C12orf54: variants seen among roughly 807,000 people sequenced by gnomAD.
C12orf54 encodes the protein uncharacterized protein C12orf54.
Under a neutral mutation model 26.4 loss-of-function variants are expected in C12orf54, and 24 were observed. The observed-to-expected ratio is 0.91, with a 90% confidence interval of 0.66 to 1.28. C12orf54 has a LOEUF of 1.28. Ranked by LOEUF, C12orf54 falls within the 50% of genes most tolerant of loss-of-function variation. The pLI, the probability that C12orf54 is intolerant of heterozygous loss-of-function variation, is 0.00. For synonymous variants in C12orf54, 54 were observed against 47.0 expected, an observed-to-expected ratio of 1.15 and a Z score of -0.61; for missense variants, 154 against 150.9, an observed-to-expected ratio of 1.02 and a Z score of -0.11.
chr12:48,414,724 C>T, the C12orf54 span, among the ~76,000 whole-genome samples: 1 of 152,180 alleles, frequency 6.6e-6, no homozygotes, highest in African/African-American at 2.4e-5. Flanking sequence ...GTAGTATTAT[C>T]CAGTGACCTG....
chr12:48,450,290 A>C, the C12orf54 span, among the ~76,000 whole-genome samples: 13 of 152,236 alleles, frequency 8.5e-5, no homozygotes, highest in Non-Finnish European at 1.8e-4. Flanking sequence ...ATTAGTGAGC[A>C]CAAAAGATAC....
the C12orf54 span, among the ~76,000 whole-genome samples, chr12:48,440,972 A>G: frequency 6.6e-6 from 1 of 152,210 alleles, no homozygotes; most frequent in South Asian, 2.1e-4. Flanking sequence ...CAGTGTATCA[A>G]GGTGGTAAAG....
the C12orf54 span, among the ~76,000 whole-genome samples, chr12:48,453,601 A>ACATATACACATATATATG: frequency 1.4e-5 from 2 of 138,492 alleles, no homozygotes; most frequent in African/African-American, 5.1e-5. Flanking sequence ...GTGTATATTC[A>ACATATACACATATATATG]TGTTCTGATA....
At chr12:48,469,938 T>C in the C12orf54 span, among the ~76,000 whole-genome samples, 2 of 152,194 alleles carry the variant, frequency 1.3e-5, no homozygotes, top group Non-Finnish European at 2.9e-5. Flanking sequence ...GGTGAGAACA[T>C]GAAGTATTTG....
At chr12:48,478,150 A>G (rs982598954), upstream of C12orf54, among the ~76,000 whole-genome samples, 1 of 152,240 alleles carries the variant, frequency 6.6e-6, no homozygotes, top group Non-Finnish European at 1.5e-5. Flanking sequence ...CAAAAACCAC[A>G]TGATTATCTC....
upstream of C12orf54, among the ~76,000 whole-genome samples, chr12:48,481,399 C>T (rs1954197182): frequency 6.6e-6 from 1 of 151,952 alleles, no homozygotes; most frequent in Non-Finnish European, 1.5e-5. Flanking sequence ...TGGAAATGGC[C>T]CTGCTGGTCT....
At chr12:48,419,257 A>G in the C12orf54 span, among the ~76,000 whole-genome samples, 1 of 152,174 alleles carries the variant, frequency 6.6e-6, no homozygotes, top group South Asian at 2.1e-4. Context: ...GGCCTTGAAG[A>G]CATAGTTGGG....
At chr12:48,418,336 G>A in the C12orf54 span, among the ~76,000 whole-genome samples, 1 of 152,196 alleles carries the variant, frequency 6.6e-6, no homozygotes, top group South Asian at 2.1e-4. Flanking sequence ...GTGTGCTAGG[G>A]AGGCTAATGT....
chr12:48,437,318 A>T, the C12orf54 span, among the ~76,000 whole-genome samples: 1 of 152,350 alleles, frequency 6.6e-6, no homozygotes, highest in Middle Eastern at 3.4e-3. Context: ...ATTCTACCAG[A>T]AGTACAAGAA....
At chr12:48,477,342 A>G in the C12orf54 span, among the ~76,000 whole-genome samples, 1 of 152,110 alleles carries the variant, frequency 6.6e-6, no homozygotes, top group Non-Finnish European at 1.5e-5. Flanking sequence ...AAGAACTAGA[A>G]AAGCAAGAGC....
chr12:48,426,968 G>A, the C12orf54 span, among the ~76,000 whole-genome samples: 2 of 152,104 alleles, frequency 1.3e-5, no homozygotes, highest in Non-Finnish European at 1.5e-5. Flanking sequence ...ATCCACTGAA[G>A]GAGCTTTTGA....
chr12:48,439,593 T>C, the C12orf54 span, among the ~76,000 whole-genome samples: 2 of 152,204 alleles, frequency 1.3e-5, no homozygotes, highest in Non-Finnish European at 2.9e-5. Flanking sequence ...TCATGTCCTT[T>C]GTAGGGACAT....
intron 5 of C12orf54, 97 bp downstream of exon 5, chr12:48,489,053 G>A (rs1489044634): frequency 8.7e-7 from 1 of 1,144,880 alleles, no homozygotes; most frequent in Non-Finnish European, 1.3e-6. Context: ...CTCTGACCAA[G>A]GTTTTAGCTT....
the C12orf54 span, among the ~76,000 whole-genome samples, chr12:48,455,826 GT>G: frequency 6.6e-5 from 10 of 152,156 alleles, no homozygotes; most frequent in African/African-American, 2.4e-4. Flanking sequence ...TTCATTGTCT[GT>G]TTGACAGTGA....
the C12orf54 span, among the ~76,000 whole-genome samples, chr12:48,453,691 A>ATTC: frequency 6.8e-6 from 1 of 147,180 alleles, no homozygotes; most frequent in African/African-American, 2.6e-5. Flanking sequence ...CCTCAAGTTT[A>ATTC]TTTAAACCTA....
chr12:48,462,453 G>A, the C12orf54 span, among the ~76,000 whole-genome samples: 10 of 151,362 alleles, frequency 6.6e-5, no homozygotes, highest in Non-Finnish European at 1.0e-4. Context: ...AAACCAGAGA[G>A]CAATATCATT....
At chr12:48,417,887 A>C in the C12orf54 span, among the ~76,000 whole-genome samples, 1 of 152,300 alleles carries the variant, frequency 6.6e-6, no homozygotes, top group East Asian at 1.9e-4. Flanking sequence ...CTCCAGTTGC[A>C]TCCGTGTTAC....
intron 2 of C12orf54, 157 bp downstream of exon 2, chr12:48,483,518 C>G: frequency 1.7e-6 from 1 of 584,772 alleles, no homozygotes; most frequent in Non-Finnish European, 3.0e-6. Context: ...TCTTCTCCAT[C>G]TCCTTAATGA....
the C12orf54 span, among the ~76,000 whole-genome samples, chr12:48,453,160 A>G: frequency 6.6e-5 from 10 of 152,212 alleles, no homozygotes; most frequent in Non-Finnish European, 1.0e-4. Flanking sequence ...TGCAGCCATA[A>G]AAAGGAACGA....
Sources: allele counts gnomAD v4.1 joint callset (sites outside exome capture counted in the v4.1 genomes callset), GRCh38; gene constraint gnomAD v4.1.1; transcripts MANE v1.5; gene names NCBI Gene and HGNC (gene_info 2026-07-23, HGNC 2026-07-21).